The following ZNF586 variants were observed in gnomAD, a reference collection of about 807,000 sequenced individuals.
The protein encoded by ZNF586 is zinc finger protein 586.
In ZNF586, 7 loss-of-function variants were observed where a neutral mutation model predicts 6.7. The observed-to-expected ratio is 1.04, with a 90% CI of 0.59 to 1.95. The LOEUF (loss-of-function observed/expected upper bound fraction) is 1.95. Ranked by LOEUF, ZNF586 falls within the 30% of genes most tolerant of loss-of-function variation. The probability of loss-of-function intolerance (pLI) is 0.00; values close to 1 mark genes in which losing one functional copy is unlikely to be tolerated. For synonymous variants in ZNF586, 166 were observed against 168.7 expected (o/e 0.98, Z 0.12); for missense variants, 442 against 489.6 (o/e 0.90, Z 0.92).
chr19:57,770,157 C>CTTTTTTTT (rs56139513), intron 1 of ZNF586, among the ~76,000 whole-genome samples: 1 of 128,228 alleles, frequency 7.8e-6, no homozygotes, highest in Non-Finnish European at 1.6e-5. Flanking sequence ...GGAGTTATTT[C>CTTTTTTTT]TTTTTTTTTT....
chr19:57,771,476 T>C (rs1485556767), intron 1 of ZNF586, among the ~76,000 whole-genome samples: 1 of 151,976 alleles, frequency 6.6e-6, no homozygotes, highest in East Asian at 1.9e-4. Flanking sequence ...GGTCCTTCAA[T>C]CTGGGGATCT....
chr19:57,773,402 C>CTTTTTTT (rs35585717), intron 1 of ZNF586, among the ~76,000 whole-genome samples: 7 of 92,768 alleles, frequency 7.5e-5, no homozygotes, highest in African/African-American at 1.8e-4. Flanking sequence ...TCTTCTTCTT[C>CTTTTTTT]TTTTTTTTTT....
intron 1 of ZNF586, among the ~76,000 whole-genome samples, chr19:57,770,977 G>C (rs919686467): frequency 6.6e-6 from 1 of 152,056 alleles, no homozygotes; most frequent in Non-Finnish European, 1.5e-5. Context: ...TCAGTCTCCC[G>C]AGTAACTGGC....
At chr19:57,778,054 C>T (rs1420226900) in intron 2 of ZNF586, among the ~76,000 whole-genome samples, 1 of 150,678 alleles carries the variant, frequency 6.6e-6, no homozygotes, top group African/African-American at 2.5e-5. Flanking sequence ...CCGCGCCCAG[C>T]CTCTATGGAG....
In ZNF586 at chr19:57,780,370, C is replaced by G. The variant is rs1987356882; in HGVS notation, c.*574C>G. ...GCACTCATTCTATTCTCATTTCTTT[C>G]TCTCCAATGAGTTAGGCCATGAACC... is the stretch of plus-strand genomic sequence containing the variant. On this transcript the variant is annotated 3_prime_UTR_variant, in exon 3 of 3. Transcript: ENST00000396154. 6.5e-6 allele frequency: 1 copy of G among 152,942 alleles called. No individual in the cohort carries two copies. Among genetic ancestry groups the G allele is most frequent in the Non-Finnish European group, 1.5e-5 (1 of 68,584 alleles). 9.5% of individuals were successfully genotyped at this position (152,942 alleles called of 1,614,324 possible). A position where few individuals can be genotyped will look rare whatever the true frequency, so the allele number is the denominator to read the frequency against.
chr19:57,777,801 G>A (rs1163560613), intron 2 of ZNF586, among the ~76,000 whole-genome samples: 3 of 122,962 alleles, frequency 2.4e-5, no homozygotes, highest in Admixed American at 2.2e-4. Flanking sequence ...TGTTTCCCAG[G>A]TTGGAGTGCA....
intron 1 of ZNF586, among the ~76,000 whole-genome samples, chr19:57,775,144 C>T (rs1361283406): frequency 6.6e-6 from 1 of 151,920 alleles, no homozygotes; most frequent in East Asian, 1.9e-4. Context: ...CTACAGGCAC[C>T]CGCCACCACA....
chr19:57,772,487 A>G (rs1459676082), intron 1 of ZNF586, among the ~76,000 whole-genome samples: 1 of 124,518 alleles, frequency 8.0e-6, no homozygotes, highest in Non-Finnish European at 1.6e-5. Context: ...TGCCAATCAC[A>G]AGCCCCAGGA....
At chr19:57,778,301 C>T (rs1987289468) in intron 2 of ZNF586, among the ~76,000 whole-genome samples, 2 of 151,830 alleles carry the variant, frequency 1.3e-5, no homozygotes, top group African/African-American at 4.8e-5. Flanking sequence ...GGTCTCAAAC[C>T]CCTGACCTTG....
rs1568481777 is a variant in ZNF586, at chr19:57,769,828, C to T, written c.-15C>T. On this transcript the variant is annotated 5_prime_UTR_variant, in exon 1 of 3. Transcript: ENST00000396154. Reference sequence around the variant, plus strand: ...GGAACACCGCCGAGCCCGCGTTCCCCCCCCGCCCAGAGTCATGGCGGCAGC... The same window carrying T: ...GGAACACCGCCGAGCCCGCGTTCCCTCCCCGCCCAGAGTCATGGCGGCAGC... The T allele has an allele frequency of 1.9e-6, 3 of 1,545,778 alleles. 1 individual carries two copies. Among genetic ancestry groups the T allele is most frequent in the South Asian group, 2.4e-5 (2 of 84,032 alleles).
chr19:57,771,431 C>T (rs1291490798), intron 1 of ZNF586, among the ~76,000 whole-genome samples: 3 of 152,046 alleles, frequency 2.0e-5, no homozygotes, highest in Non-Finnish European at 4.4e-5. Flanking sequence ...GCAGGAACTA[C>T]CGCACCTCCT....
intron 1 of ZNF586, among the ~76,000 whole-genome samples, chr19:57,772,799 A>G (rs1052044553): frequency 3.4e-4 from 51 of 152,220 alleles, no homozygotes; most frequent in African/African-American, 1.1e-3. Flanking sequence ...GCTTTATTAC[A>G]TAGGCATGAT....
chr19:57,777,567 C>G (rs1987263632), intron 2 of ZNF586, among the ~76,000 whole-genome samples: 1 of 151,986 alleles, frequency 6.6e-6, no homozygotes, highest in African/African-American at 2.4e-5. Context: ...CTTTCCTTCC[C>G]CATTCTTGAG....
intron 2 of ZNF586, among the ~76,000 whole-genome samples, chr19:57,777,056 A>C (rs1987255285): frequency 6.6e-6 from 1 of 152,016 alleles, no homozygotes; most frequent in Non-Finnish European, 1.5e-5. Context: ...ATGTACATGA[A>C]CCACAGCCTA....
chr19:57,770,292 G>C (rs1987064094), intron 1 of ZNF586, among the ~76,000 whole-genome samples: 1 of 151,892 alleles, frequency 6.6e-6, no homozygotes. Context: ...GAGTAGCTGG[G>C]ATTACAGGCA....
In ZNF586 at chr19:57,779,481, C is replaced by T; in HGVS notation, c.894C>T (p.Ser298=). 6.2e-7 allele frequency: 1 copy of T among 1,614,008 alleles called. No homozygotes were observed. Among genetic ancestry groups the T allele is most frequent in the Non-Finnish European group, 8.5e-7 (1 of 1,180,002 alleles). ...RPYECSECGK[S]FSLRSNLIHH... ...ATGAATGTAGTGAATGTGGGAAATC[C>T]TTTAGCTTAAGGTCCAACCTCATTC... The change falls in exon 3 of 3, where the codon TCC becomes TCT. Residue 298 remains serine, a synonymous_variant. Coordinates refer to ENST00000396154, the MANE Select transcript of ZNF586 (RefSeq NM_017652.4).
chr19:57,777,746 CTTTTTTTTTTTTTTT>C (rs34718874), intron 2 of ZNF586, among the ~76,000 whole-genome samples: 64 of 54,488 alleles, frequency 1.2e-3, no homozygotes, highest in Non-Finnish European at 5.1e-4. Context: ...TATACCCATT[CTTTTTTTTTTTTTTT>C]TTTTTTTTTT....
At chr19:57,770,196 G>T (rs1370824523) in intron 1 of ZNF586, among the ~76,000 whole-genome samples, 2 of 133,052 alleles carry the variant, frequency 1.5e-5, no homozygotes, top group Non-Finnish European at 3.1e-5. Context: ...TCACTCTGTC[G>T]CCCAGGCTGG....
At chr19:57,776,428 T>A in intron 1 of ZNF586, 115 bp from the exon 2 acceptor site, 1 of 1,365,760 alleles carries the variant, frequency 7.3e-7, no homozygotes, top group Middle Eastern at 2.2e-4. Context: ...ATTTCTCCTC[T>A]GAGTTGGGGA....
Sources: allele counts gnomAD v4.1 joint callset (sites outside exome capture counted in the v4.1 genomes callset), GRCh38; gene constraint gnomAD v4.1.1; transcripts MANE v1.5; gene names NCBI Gene and HGNC (gene_info 2026-07-23, HGNC 2026-07-21).